RUBCN: variants seen among roughly 807,000 people sequenced by gnomAD.
RUBCN encodes rubicon autophagy regulator.
Under a neutral mutation model 113.2 loss-of-function variants are expected in RUBCN, and 74 were observed. The ratio of observed to expected loss-of-function variants is 0.65; its 90% confidence interval spans 0.54 to 0.79. The LOEUF (loss-of-function observed/expected upper bound fraction) is 0.79. Ranked by LOEUF, RUBCN falls within the 30% of genes least tolerant of loss-of-function variation. The pLI is 0.00. For missense variants in RUBCN, 1,109 were observed against 1,251.7 expected (o/e 0.89, Z 1.72); for synonymous variants, 480 against 490.0 (o/e 0.98, Z 0.27).
chr3:197,674,544 C>T lies in RUBCN; in HGVS notation c.*474G>A, dbSNP rs114814977. On this transcript the variant is annotated 3_prime_UTR_variant, in exon 20 of 20. Coordinates refer to ENST00000296343, the MANE Select transcript of RUBCN (RefSeq NM_014687.4). ...GCTTCTCCTCGGGGCACAGTCTGAC[C>T]CCAGTCCAGGACAGGGAGAGGGAAA... The T allele has an allele frequency of 5.8e-6, 3 of 519,908 alleles. No individual in the cohort carries two copies. The African/African-American group carries it at 5.9e-5, about 10-fold the overall frequency. The allele number at this position is 519,908 out of a possible 1,614,324, so 32.2% of individuals were successfully genotyped here.
At chr3:197,691,426 C>T (rs1722412256) in intron 11 of RUBCN, among the ~76,000 whole-genome samples, 2 of 151,882 alleles carry the variant, frequency 1.3e-5, no homozygotes, top group African/African-American at 4.8e-5. Context: ...TGTCTTGATA[C>T]TGGGGAGGGG....
At position 197,681,792 on chromosome 3, in the gene RUBCN, C is replaced by T. The variant is rs1721273436; in HGVS notation, c.2191+43G>A. The T allele has an allele frequency of 1.3e-6, 2 of 1,563,746 alleles. No individual in the cohort carries two copies. Among genetic ancestry groups the T allele is most frequent in the South Asian group, 1.1e-5 (1 of 90,080 alleles). On this transcript the variant is annotated intron_variant, in intron 15 of 19. Coordinates refer to ENST00000296343, the MANE Select transcript of RUBCN (RefSeq NM_014687.4). The surrounding 1 kb of genome is among the most constrained non-coding windows in gnomAD (Gnocchi z 5.5). ...CTCTCCCTACGTGTCGGGGAGGGTA[C>T]AGAGCCTCTGGAGGCAGCATGGTGG...
At chr3:197,699,310 A>AT in intron 7 of RUBCN, 1 of 1,076,726 alleles carries the variant, frequency 9.3e-7, no homozygotes, top group Non-Finnish European at 1.4e-6. Context: ...AGTGTCCTAA[A>AT]TTTTACCCAG....
At chr3:197,693,171 T>C (rs1028137597) in intron 11 of RUBCN, among the ~76,000 whole-genome samples, 8 of 152,180 alleles carry the variant, frequency 5.3e-5, no homozygotes, top group Non-Finnish European at 8.8e-5. Context: ...TGTTCCTCTA[T>C]GCTGATACTC....
At chr3:197,680,785 T>A (rs1409808703) in intron 16 of RUBCN, among the ~76,000 whole-genome samples, 1 of 152,124 alleles carries the variant, frequency 6.6e-6, no homozygotes, top group Non-Finnish European at 1.5e-5. Context: ...GAAGAAATTC[T>A]GCTTTTGCCC....
intron 13 of RUBCN, 63 bp from the exon 14 acceptor site, chr3:197,682,678 A>T (rs1250003814): frequency 6.2e-7 from 1 of 1,607,724 alleles, no homozygotes; most frequent in East Asian, 2.2e-5. Context: ...ATCTGGTGAG[A>T]TGGGCAGTGA....
intron 2 of RUBCN, 136 bp from the exon 3 acceptor site, chr3:197,705,311 G>GA (rs1342952344): frequency 2.5e-6 from 2 of 784,828 alleles, no homozygotes; most frequent in Admixed American, 4.0e-5. Context: ...GCAATCAAAG[G>GA]ATACACACAG....
intron 1 of RUBCN, among the ~76,000 whole-genome samples, chr3:197,718,626 T>C (rs1725806672): frequency 2.0e-5 from 3 of 152,096 alleles, no homozygotes; most frequent in Non-Finnish European, 4.4e-5. Context: ...AATTTTTAAA[T>C]TTTTTGTAGA....
At chr3:197,699,275 A>G in intron 7 of RUBCN, 2 of 1,380,938 alleles carry the variant, frequency 1.4e-6, no homozygotes, top group Non-Finnish European at 2.0e-6. Flanking sequence ...CAGATAGAGC[A>G]ATGAGAATAC....
At chr3:197,730,549 A>C (rs2108996699) in intron 1 of RUBCN, among the ~76,000 whole-genome samples, 1 of 152,064 alleles carries the variant, frequency 6.6e-6, no homozygotes, top group South Asian at 2.1e-4. Flanking sequence ...GGCATTTCTG[A>C]AGCAACAGTA....
chr3:197,674,920 A>AAG lies in RUBCN; in HGVS notation c.*97_*98insCT, dbSNP rs2108826550. ...AGATGATGATAATTAAAAAAAAAAA[A>AAG]AAAAAAAGAAGCCCCAGGTGGGGCG... On this transcript the variant is annotated 3_prime_UTR_variant, in exon 20 of 20. Transcript: ENST00000296343. 9.6e-7 allele frequency: 1 copy of AAG among 1,044,604 alleles called. No homozygotes were observed. Among genetic ancestry groups the AAG allele is most frequent in the East Asian group, 2.7e-5 (1 of 36,932 alleles). The allele number at this position is 1,044,604 out of a possible 1,614,324, so 64.7% of individuals were successfully genotyped here. A position where few individuals can be genotyped will look rare whatever the true frequency, so the allele number is the denominator to read the frequency against.
chr3:197,696,232 C>A (rs1560427316), intron 8 of RUBCN, among the ~76,000 whole-genome samples: 1 of 151,982 alleles, frequency 6.6e-6, no homozygotes. Flanking sequence ...ATTAGCTGGG[C>A]ATGGTGGCAC....
chr3:197,741,942 G>C (rs1728540901), intron 1 of RUBCN, among the ~76,000 whole-genome samples: 1 of 151,762 alleles, frequency 6.6e-6, no homozygotes, highest in Non-Finnish European at 1.5e-5. Context: ...TTGTCACCCA[G>C]GCTGGAGTGC....
intron 1 of RUBCN, among the ~76,000 whole-genome samples, chr3:197,742,279 G>T (rs538078374): frequency 6.6e-6 from 1 of 152,260 alleles, no homozygotes; most frequent in East Asian, 1.9e-4. Flanking sequence ...GATCGCTTGA[G>T]GTCAGAAGTT....
chr3:197,699,281 A>T (rs1248522378), intron 7 of RUBCN: 1 of 1,334,410 alleles, frequency 7.5e-7, no homozygotes, highest in African/African-American at 1.5e-5. Flanking sequence ...GAGCAATGAG[A>T]ATACAGAGAG....
In RUBCN at chr3:197,669,068, T is replaced by C. The variant is rs946267696; in HGVS notation, c.*5950A>G. ...ACATATGCTTTTTATATAGGTAAAC[T>C]TCTTAATCTGGAATAATTTTAGATC... is the stretch of plus-strand genomic sequence containing the variant. On this transcript the variant is annotated 3_prime_UTR_variant, in exon 20 of 20. Coordinates refer to ENST00000296343, the MANE Select transcript of RUBCN (RefSeq NM_014687.4). Among the ~76,000 whole-genome samples the C allele has an allele frequency of 1.3e-5, 2 of 152,192 alleles. No individual in the cohort carries two copies. The highest frequency in any genetic ancestry group is 4.8e-5 in the African/African-American group (2 of 41,444).
At chr3:197,732,734 T>G (rs1378532449) in intron 1 of RUBCN, among the ~76,000 whole-genome samples, 1 of 152,016 alleles carries the variant, frequency 6.6e-6, no homozygotes, top group South Asian at 2.1e-4. Flanking sequence ...CGGAAAACAA[T>G]AGGGAAGCCC....
chr3:197,712,710 G>A (rs1725089090), intron 2 of RUBCN, among the ~76,000 whole-genome samples: 1 of 151,940 alleles, frequency 6.6e-6, no homozygotes, highest in Admixed American at 6.6e-5. Context: ...CACTACTGGG[G>A]TTCTCAGGAT....
chr3:197,743,013 CCT>C (rs1450456191), intron 1 of RUBCN, among the ~76,000 whole-genome samples: 7 of 152,298 alleles, frequency 4.6e-5, no homozygotes, highest in African/African-American at 1.7e-4. Flanking sequence ...AGGTCCCACC[CCT>C]GAGTCCAGGA....
Sources: gnomAD v4.1 joint callset for allele counts (sites outside exome capture counted in the v4.1 genomes callset) on GRCh38, gnomAD v4.1.1 for gene constraint, Gnocchi (gnomAD v3.1) non-coding constraint, MANE v1.5 for transcripts, NCBI Gene and HGNC (gene_info 2026-07-23, HGNC 2026-07-21) for gene names.